Variants in SNX29 observed in about 807,000 individuals in gnomAD.
SNX29 encodes sorting nexin 29, also known as sorting nexin-29.
In SNX29, 78 loss-of-function variants were observed where a neutral mutation model predicts 102.1. That is an observed-to-expected ratio of 0.76 (90% confidence interval 0.64 to 0.92). SNX29 has a LOEUF of 0.92. SNX29 is among the 40% of genes least tolerant of loss of function. SNX29 has a pLI of 0.00. For synonymous variants in SNX29, 580 were observed against 414.5 expected, an observed-to-expected ratio of 1.40 and a Z score of -4.85; for missense variants, 1,280 against 1,061.7, an observed-to-expected ratio of 1.21 and a Z score of -2.86.
At chr16:12,047,415 T>C (rs952866328) in intron 6 of SNX29, among the ~76,000 whole-genome samples, 3 of 152,192 alleles carry the variant, frequency 2.0e-5, no homozygotes, top group Admixed American at 2.0e-4. Context: ...TGTCCATTGA[T>C]GAGAAAAAGA....
chr16:12,448,836 CCA>C lies in SNX29; in HGVS notation c.2038-28882_2038-28881del, dbSNP rs764983812. Among the ~76,000 whole-genome samples, 6 of 152,262 alleles carry C rather than the reference CCA, an allele frequency of 3.9e-5. 1 individual carries two copies. The highest frequency in any genetic ancestry group is 1.3e-4 in the Admixed American group (2 of 15,300). On this transcript the variant is annotated intron_variant, in intron 18 of 20. Transcript: ENST00000566228. ...CAAACTGCCTTGCATCCAGCTCTAC[CCA>C]TTTTCTTCTAACTAAGCATCTTTCT...
intron 20 of SNX29, among the ~76,000 whole-genome samples, chr16:12,553,557 G>A (rs1440753213): frequency 1.3e-5 from 2 of 152,012 alleles, no homozygotes; most frequent in East Asian, 1.9e-4. Context: ...AGGGAGCTAA[G>A]CAGGAGCTGT....
intron 11 of SNX29, among the ~76,000 whole-genome samples, chr16:12,120,992 C>G (rs1305603611): frequency 6.6e-6 from 1 of 152,230 alleles, no homozygotes; most frequent in Non-Finnish European, 1.5e-5. Context: ...CGTTTCTGTC[C>G]AGCTCATCCC....
intron 8 of SNX29, among the ~76,000 whole-genome samples, chr16:12,059,439 G>T (rs1394413211): frequency 3.9e-5 from 6 of 152,314 alleles, no homozygotes; most frequent in East Asian, 3.9e-4. Flanking sequence ...TCGCGGGAGC[G>T]GCTCTTCTTT....
At position 12,569,762 on chromosome 16, in the gene SNX29, C is replaced by G. The variant is rs187438076; in HGVS notation, c.*1133C>G. 1.3e-5 allele frequency: 3 copies of G among 230,400 alleles called. No individual in the cohort carries two copies. The highest frequency in any genetic ancestry group is 1.3e-3 in the Middle Eastern group (1 of 794). The allele number at this position is 230,400 out of a possible 1,614,324, so 14.3% of individuals were successfully genotyped here. On this transcript the variant is annotated 3_prime_UTR_variant, in exon 21 of 21. Coordinates refer to ENST00000566228, the MANE Select transcript of SNX29 (RefSeq NM_032167.5). ...GGCTCCTCCTCCAGTGAGCTCACAT[C>G]AGAGCACCTCACAGAGCAATAGCCG... is the stretch of plus-strand genomic sequence containing the variant.
intron 14 of SNX29, among the ~76,000 whole-genome samples, chr16:12,275,259 A>C (rs1261473342): frequency 6.6e-6 from 1 of 152,140 alleles, no homozygotes; most frequent in Non-Finnish European, 1.5e-5. Flanking sequence ...TTAGAGGCAC[A>C]TGCTGTCTGC....
intron 18 of SNX29, among the ~76,000 whole-genome samples, chr16:12,473,928 C>T (rs1307858711): frequency 6.6e-6 from 1 of 152,210 alleles, no homozygotes; most frequent in Admixed American, 6.5e-5. Flanking sequence ...ACCAGCAGCT[C>T]TCGGGGCTGC....
At chr16:12,102,507 C>T (rs947277676) in intron 11 of SNX29, among the ~76,000 whole-genome samples, 2 of 152,190 alleles carry the variant, frequency 1.3e-5, no homozygotes, top group African/African-American at 4.8e-5. Flanking sequence ...TTGCATTTCT[C>T]TAATGGCCAG....
At chr16:12,047,993 G>A (rs1397659396) in intron 6 of SNX29, among the ~76,000 whole-genome samples, 1 of 152,004 alleles carries the variant, frequency 6.6e-6, no homozygotes, top group East Asian at 1.9e-4. Context: ...TGGCAGTGCC[G>A]GGATTCACTC....
At chr16:12,494,405 A>C (rs1375852883) in intron 19 of SNX29, among the ~76,000 whole-genome samples, 1 of 152,160 alleles carries the variant, frequency 6.6e-6, no homozygotes, top group African/African-American at 2.4e-5. Context: ...CCGCGCACTG[A>C]GAGACGGGCA....
intron 15 of SNX29, among the ~76,000 whole-genome samples, chr16:12,333,387 G>C (rs1337150841): frequency 6.6e-6 from 1 of 152,048 alleles, no homozygotes; most frequent in Non-Finnish European, 1.5e-5. Flanking sequence ...TTACAGACGT[G>C]AGCCACCGCA....
chr16:12,236,268 T>C (rs2077930595), intron 14 of SNX29, among the ~76,000 whole-genome samples: 1 of 152,148 alleles, frequency 6.6e-6, no homozygotes, highest in Non-Finnish European at 1.5e-5. Flanking sequence ...AGTCTTCTAG[T>C]GTCTATTTTC....
chr16:12,227,921 A>T (rs1216853084), intron 14 of SNX29, among the ~76,000 whole-genome samples: 1 of 151,162 alleles, frequency 6.6e-6, no homozygotes, highest in Non-Finnish European at 1.5e-5. Context: ...AAAAAAAAAA[A>T]AAAAAGACCG....
intron 2 of SNX29, among the ~76,000 whole-genome samples, chr16:12,000,846 C>T (rs528969862): frequency 7.2e-5 from 11 of 152,290 alleles, no homozygotes; most frequent in Admixed American, 2.0e-4. Context: ...ACAGGGACAA[C>T]TCGTGCACCC....
At chr16:12,451,047 A>T (rs2086279210) in intron 18 of SNX29, among the ~76,000 whole-genome samples, 1 of 152,120 alleles carries the variant, frequency 6.6e-6, no homozygotes, top group Non-Finnish European at 1.5e-5. Context: ...CACCTTCTAC[A>T]AGCAAGGGAG....
rs147750201 is a variant in SNX29, at chr16:12,099,498, A to T, written c.1402+20583A>T. ...CTGGCAGCTCAGTATTTAGTGACCT[A>T]AACAGGGAGGCTCCAGGGACAGGAG... On this transcript the variant is annotated intron_variant, in intron 11 of 20. Coordinates refer to ENST00000566228, the MANE Select transcript of SNX29 (RefSeq NM_032167.5). Among the ~76,000 whole-genome samples, 822 of 152,248 alleles carry T rather than the reference A, an allele frequency of 5.4e-3. 9 individuals carry two copies. The highest frequency in any genetic ancestry group is 0.019 in the African/African-American group (786 of 41,538).
chr16:12,400,093 C>T (rs1420577588), intron 17 of SNX29, among the ~76,000 whole-genome samples: 1 of 152,152 alleles, frequency 6.6e-6, no homozygotes, highest in Non-Finnish European at 1.5e-5. Context: ...ATTGTCTCTC[C>T]CCAGAGATTT....
intron 16 of SNX29, among the ~76,000 whole-genome samples, chr16:12,394,523 A>G (rs1387953350): frequency 6.6e-6 from 1 of 152,100 alleles, no homozygotes; most frequent in Non-Finnish European, 1.5e-5. Flanking sequence ...TTTATCTCTC[A>G]TGATTCTGTG....
rs191814320 is a variant in SNX29, at chr16:12,514,653, C to T, written c.2179-10049C>T. Among the ~76,000 whole-genome samples, 489 of 152,140 alleles carry T rather than the reference C, an allele frequency of 3.2e-3. 5 individuals carry two copies. Among genetic ancestry groups the T allele is most frequent in the African/African-American group, 0.011 (475 of 41,490 alleles). On this transcript the variant is annotated intron_variant, in intron 19 of 20. Transcript: ENST00000566228. The stretch of plus-strand genomic sequence containing the variant: ...GCCAAGACGGGCAAATCACTTGAGG[C>T]CAGGAGTTCGAGACCAGCCTGGCCA...
Sources: gnomAD v4.1 joint callset for allele counts (sites outside exome capture counted in the v4.1 genomes callset) on GRCh38, gnomAD v4.1.1 for gene constraint, MANE v1.5 for transcripts, NCBI Gene and HGNC (gene_info 2026-07-23, HGNC 2026-07-21) for gene names.